HSBP1L1: variants seen among roughly 807,000 people sequenced by gnomAD.
HSBP1L1 encodes the protein heat shock factor-binding protein 1-like protein 1.
A neutral mutation model predicts 9.7 loss-of-function variants in HSBP1L1; 8 were observed. That is an observed-to-expected ratio of 0.82 (90% CI 0.48 to 1.48). HSBP1L1 has a LOEUF of 1.48. Among genes scored for constraint, HSBP1L1 ranks in the 40% most tolerant of loss-of-function variants. The pLI is 0.00. For synonymous variants in HSBP1L1, 39 were observed against 34.4 expected, an observed-to-expected ratio of 1.13 and a Z score of -0.46; for missense variants, 106 against 95.8, an observed-to-expected ratio of 1.11 and a Z score of -0.44.
intron 3 of HSBP1L1, among the ~76,000 whole-genome samples, chr18:79,968,860 T>C (rs1344540246): frequency 1.3e-5 from 2 of 151,738 alleles, no homozygotes; most frequent in Admixed American, 6.6e-5. Context: ...ATCAGAGGCA[T>C]GTTTAAAGCC....
At chr18:79,968,950 G>A (rs191412568) in intron 3 of HSBP1L1, among the ~76,000 whole-genome samples, 2,986 of 149,518 alleles carry the variant, frequency 0.02, 39 homozygotes, top group Middle Eastern at 0.035. Context: ...TTGGGAGGCC[G>A]AGGTGGGCGG....
chr18:79,967,400 A>C (rs1285749621), intron 2 of HSBP1L1: 2 of 152,168 alleles, frequency 1.3e-5, no homozygotes, highest in Non-Finnish European at 2.9e-5. Context: ...TTGTCTTAGA[A>C]ACATGAAATC....
At chr18:79,965,077 G>A (rs1025408938) in intron 1 of HSBP1L1, among the ~76,000 whole-genome samples, 16 of 133,852 alleles carry the variant, frequency 1.2e-4, no homozygotes, top group Admixed American at 5.4e-4. Flanking sequence ...GGGACCCTGC[G>A]ATCCTCGGGG....
At chr18:79,965,642 G>A (rs1199463442) in intron 1 of HSBP1L1, among the ~76,000 whole-genome samples, 1 of 152,184 alleles carries the variant, frequency 6.6e-6, no homozygotes, top group Non-Finnish European at 1.5e-5. Context: ...TGTGTGACCT[G>A]GTAAGTAATT....
Position 79,969,898 on chromosome 18 carries a change from C to A in HSBP1L1, c.214-542C>A, listed in dbSNP as rs900209785. 12 of 155,488 alleles carry A rather than the reference C, an allele frequency of 7.7e-5. No homozygotes were observed. In the East Asian group the frequency reaches 2.2e-3, roughly 29 times the overall value. 9.6% of individuals were successfully genotyped at this position (155,488 alleles called of 1,614,324 possible). A position where few individuals can be genotyped will look rare whatever the true frequency, so the allele number is the denominator to read the frequency against. On this transcript the variant is annotated intron_variant, in intron 3 of 3. Transcript: ENST00000451882. ...AATGCTGCACTATTCTTGTCTACTT[C>A]TTTGTGTACACGTTGCCAGTTTCTC...
intron 2 of HSBP1L1, 89 bp from the exon 3 acceptor site, chr18:79,968,000 G>A: frequency 1.4e-6 from 1 of 693,846 alleles, no homozygotes. Flanking sequence ...AGTTGCATGT[G>A]CCATGGGAGG....
intron 3 of HSBP1L1, among the ~76,000 whole-genome samples, chr18:79,969,411 T>G: frequency 6.7e-6 from 1 of 148,294 alleles, no homozygotes; most frequent in South Asian, 2.2e-4. Flanking sequence ...CGATGCAGAA[T>G]AGCGCCCACG....
At chr18:79,969,304 GA>G in intron 3 of HSBP1L1, among the ~76,000 whole-genome samples, 1 of 74,120 alleles carries the variant, frequency 1.3e-5, no homozygotes, top group Non-Finnish European at 2.9e-5. Context: ...GGGAGAGAGA[GA>G]GAGAAAGGAA....
At chr18:79,968,940 T>C (rs2051271028) in intron 3 of HSBP1L1, among the ~76,000 whole-genome samples, 1 of 148,758 alleles carries the variant, frequency 6.7e-6, no homozygotes, top group Admixed American at 6.7e-5. Flanking sequence ...TCCCAGCACT[T>C]TGGGAGGCCG....
intron 3 of HSBP1L1, chr18:79,970,215 T>G: frequency 6.3e-6 from 3 of 479,916 alleles, no homozygotes; most frequent in Non-Finnish European, 7.7e-6. Flanking sequence ...ACCTGGTAAG[T>G]GGTTGTAAGG....
Position 79,969,785 on chromosome 18 carries a change from G to A in HSBP1L1, c.214-655G>A, listed in dbSNP as rs1034271980. 5.9e-5 allele frequency among the ~76,000 whole-genome samples: 9 copies of A among 152,228 alleles called. No homozygotes were observed. The East Asian group carries it at 1.2e-3, about 20-fold the overall frequency. On this transcript the variant is annotated intron_variant, in intron 3 of 3. Coordinates refer to ENST00000451882, the MANE Select transcript of HSBP1L1 (RefSeq NM_001136180.2). ...TTTGTTCAGTACTGAGATTCATGTC[G>A]ACACGTGTCGCTCTAGGTCAGTCGC...
intron 3 of HSBP1L1, among the ~76,000 whole-genome samples, chr18:79,969,425 A>C (rs890151294): frequency 6.6e-6 from 1 of 152,052 alleles, no homozygotes; most frequent in Non-Finnish European, 1.5e-5. Context: ...GCCCACGTTG[A>C]GCAGGTCCTC....
intron 3 of HSBP1L1, chr18:79,969,921 C>A (rs112984531): frequency 0.047 from 7,388 of 156,240 alleles, 559 homozygotes; most frequent in African/African-American, 0.16. Context: ...TTGCCAGTTT[C>A]TCTAGGGGAC....
intron 1 of HSBP1L1, among the ~76,000 whole-genome samples, chr18:79,965,991 G>T (rs1372784356): frequency 6.6e-6 from 1 of 152,106 alleles, no homozygotes; most frequent in South Asian, 2.1e-4. Flanking sequence ...GAGTGCAGTG[G>T]CGCGATCTCG....
chr18:79,964,771 C>G lies in HSBP1L1; in HGVS notation c.36C>G (p.Arg12=). 7.1e-7 allele frequency: 1 copy of G among 1,408,668 alleles called. No individual in the cohort carries two copies. Among genetic ancestry groups the G allele is most frequent in the Non-Finnish European group, 9.2e-7 (1 of 1,082,354 alleles). 87.3% of individuals were successfully genotyped at this position (1,408,668 alleles called of 1,614,324 possible). Residue 12 remains arginine (R), a synonymous_variant, in exon 1 of 4, where the codon CGC becomes CGG. Transcript: ENST00000451882. The stretch of plus-strand genomic sequence containing the variant: ...GGGGCCCTGAAGCCCCCGGCGGGCG[C>G]GCGCTGCGGGACGCGGTGAGCCCCT... ...DVRGPEAPGG[R]ALRDAAENLF... is the part of the protein sequence containing the mutation.
At chr18:79,967,147 C>CAAAAAAAAAAAAGAAAAAAAAAAA (rs2051261840) in intron 2 of HSBP1L1, among the ~76,000 whole-genome samples, 1 of 105,196 alleles carries the variant, frequency 9.5e-6, no homozygotes, top group African/African-American at 3.7e-5. Context: ...GACTCCGTCT[C>CAAAAAAAAAAAAGAAAAAAAAAAA]AAAAAAAAAA....
rs1313904093 is a variant in HSBP1L1, at chr18:79,968,379, T to A, written c.213+196T>A. On this transcript the variant is annotated intron_variant, in intron 3 of 3. Coordinates refer to ENST00000451882, the MANE Select transcript of HSBP1L1 (RefSeq NM_001136180.2). Reference sequence around the variant, plus strand: ...TCTTGCTCTGTCGCCCAGGCTGGAGTGCAGTGGCATGATCTTGGCTCACTG... The same window carrying A: ...TCTTGCTCTGTCGCCCAGGCTGGAGAGCAGTGGCATGATCTTGGCTCACTG... Among the ~76,000 whole-genome samples, 4 of 152,130 alleles carry A rather than the reference T, an allele frequency of 2.6e-5. No homozygotes were observed. The East Asian group carries it at 7.7e-4, about 29-fold the overall frequency.
At chr18:79,964,960 T>A (rs1385986380) in intron 1 of HSBP1L1, among the ~76,000 whole-genome samples, 174 bp downstream of exon 1, 2 of 116,120 alleles carry the variant, frequency 1.7e-5, no homozygotes, top group Admixed American at 2.0e-4. Context: ...TCCTGAGGAG[T>A]CCTGAGTGCC....
At chr18:79,969,323 AAG>A (rs1295902767) in intron 3 of HSBP1L1, among the ~76,000 whole-genome samples, 19 of 109,238 alleles carry the variant, frequency 1.7e-4, no homozygotes, top group African/African-American at 6.2e-4. Flanking sequence ...GAAAGAAAGA[AAG>A]AAAGAAAAAG....
Sources: gnomAD v4.1 joint callset for allele counts (sites outside exome capture counted in the v4.1 genomes callset) on GRCh38, gnomAD v4.1.1 for gene constraint, MANE v1.5 for transcripts, NCBI Gene and HGNC (gene_info 2026-07-23, HGNC 2026-07-21) for gene names.